Variants in DYRK1A observed in about 807,000 individuals in gnomAD.
DYRK1A encodes the protein dual specificity tyrosine phosphorylation regulated kinase 1A.
A neutral mutation model predicts 79.7 loss-of-function variants in DYRK1A; 9 were observed. The ratio of observed to expected loss-of-function variants is 0.11; its 90% CI spans 0.07 to 0.20. The LOEUF is 0.20. DYRK1A is among the 10% of genes least tolerant of loss of function. The pLI is 1.00. For synonymous variants in DYRK1A, 349 were observed against 329.7 expected, an observed-to-expected ratio of 1.06 and a Z score of -0.63; for missense variants, 622 against 956.0, an observed-to-expected ratio of 0.65 and a Z score of 4.61.
intron 2 of DYRK1A, among the ~76,000 whole-genome samples, chr21:37,462,722 C>T (rs2051883870): frequency 6.6e-6 from 1 of 152,162 alleles, no homozygotes. Context: ...CTCTGCAGCA[C>T]AGTGAGATTG....
At chr21:37,380,346 A>T (rs2049631586) in intron 1 of DYRK1A, among the ~76,000 whole-genome samples, 2 of 152,172 alleles carry the variant, frequency 1.3e-5, no homozygotes, top group South Asian at 4.1e-4. Context: ...AAGTTTGTTG[A>T]AACAACAATG....
intron 1 of DYRK1A, among the ~76,000 whole-genome samples, chr21:37,405,652 G>GA (rs2148406925): frequency 6.6e-6 from 1 of 152,292 alleles, no homozygotes; most frequent in East Asian, 1.9e-4. Context: ...TCAAATATCA[G>GA]AAAGGTTATT....
intron 6 of DYRK1A, among the ~76,000 whole-genome samples, chr21:37,489,309 A>G (rs2052991531): frequency 6.6e-6 from 1 of 152,172 alleles, no homozygotes; most frequent in Admixed American, 6.6e-5. Context: ...ATAAGACTTA[A>G]CAGGGAGGGA....
chr21:37,407,641 C>A (rs902151262), intron 1 of DYRK1A, among the ~76,000 whole-genome samples: 1 of 152,144 alleles, frequency 6.6e-6, no homozygotes, highest in African/African-American at 2.4e-5. Context: ...TTGAAAATCT[C>A]TTAGCTCTAA....
Position 37,513,023 on chromosome 21 carries a change from T to A in DYRK1A, c.*492T>A, listed in dbSNP as rs2053804900. The A allele has an allele frequency of 6.2e-6, 1 of 160,796 alleles. No individual in the cohort carries two copies. The highest frequency in any genetic ancestry group is 1.4e-5 in the Non-Finnish European group (1 of 72,858). 10.0% of individuals were successfully genotyped at this position (160,796 alleles called of 1,614,324 possible). ...GTGGGAAATTTGGGTTTTTAAGTCCTCTAAACACACTTGGGCACGGAAATG... is the reference window on the plus strand; with the variant it reads ...GTGGGAAATTTGGGTTTTTAAGTCCACTAAACACACTTGGGCACGGAAATG... On this transcript the variant is annotated 3_prime_UTR_variant, in exon 12 of 12. Transcript: ENST00000647188.
intron 1 of DYRK1A, among the ~76,000 whole-genome samples, chr21:37,383,833 GTGTA>G (rs944026574): frequency 1.0e-3 from 110 of 110,220 alleles, no homozygotes; most frequent in African/African-American, 4.2e-3. Flanking sequence ...ATAGGTAATG[GTGTA>G]TGTGTGTGTG....
intron 1 of DYRK1A, among the ~76,000 whole-genome samples, chr21:37,401,957 A>C (rs949909795): frequency 2.6e-5 from 4 of 151,928 alleles, no homozygotes; most frequent in Admixed American, 6.6e-5. Flanking sequence ...TATTGTTGCA[A>C]CTCCTACTTC....
At chr21:37,489,205 A>G (rs2052986263) in intron 6 of DYRK1A, among the ~76,000 whole-genome samples, 1 of 152,168 alleles carries the variant, frequency 6.6e-6, no homozygotes. Context: ...GAAACCTCTC[A>G]TTTTGTAATA....
In DYRK1A at chr21:37,477,459, GGT is replaced by G. The variant is rs1375328749; in HGVS notation, c.208-742_208-741del. Among the ~76,000 whole-genome samples the G allele has an allele frequency of 2.6e-5, 4 of 152,240 alleles. No homozygotes were observed. In the East Asian group the frequency reaches 7.7e-4, roughly 29 times the overall value. ...TTGATGCTAGCCACAGCACTCCTGG[GGT>G]GTGTGTATAGAGGGGGTGCATGCCC... On this transcript the variant is annotated intron_variant, in intron 3 of 11. Transcript: ENST00000647188.
intron 2 of DYRK1A, among the ~76,000 whole-genome samples, chr21:37,436,781 A>G (rs1406813083): frequency 1.3e-5 from 2 of 152,216 alleles, no homozygotes; most frequent in East Asian, 3.8e-4. Flanking sequence ...TATACTGAAC[A>G]TGTATTCTAA....
At chr21:37,386,576 T>C (rs1033867948) in intron 1 of DYRK1A, among the ~76,000 whole-genome samples, 8 of 152,220 alleles carry the variant, frequency 5.3e-5, no homozygotes, top group African/African-American at 1.7e-4. Flanking sequence ...TTTAGCTGCT[T>C]CTTCAATTTA....
intron 1 of DYRK1A, among the ~76,000 whole-genome samples, chr21:37,372,487 G>C (rs566464003): frequency 1.3e-4 from 20 of 151,436 alleles, no homozygotes; most frequent in African/African-American, 3.4e-4. Flanking sequence ...ACATCTGTCT[G>C]TCTGCTTGCT....
intron 11 of DYRK1A, among the ~76,000 whole-genome samples, chr21:37,508,417 A>T (rs1900215884): frequency 6.6e-6 from 1 of 152,160 alleles, no homozygotes; most frequent in Non-Finnish European, 1.5e-5. Flanking sequence ...CCTCCTGAGT[A>T]GCTGGGATTA....
At chr21:37,429,640 C>T (rs1196878460) in intron 2 of DYRK1A, among the ~76,000 whole-genome samples, 1 of 152,198 alleles carries the variant, frequency 6.6e-6, no homozygotes, top group Non-Finnish European at 1.5e-5. Context: ...CAAGAGGCCT[C>T]TCCTCCAACA....
chr21:37,428,231 C>CT (rs1217554632), intron 2 of DYRK1A, among the ~76,000 whole-genome samples: 1 of 152,124 alleles, frequency 6.6e-6, no homozygotes, highest in Non-Finnish European at 1.5e-5. Context: ...TTGCATTTGC[C>CT]TTTTGTTCAT....
rs1333123306 is a variant in DYRK1A, at chr21:37,517,214, G to A, written c.*4683G>A. 1 of 152,294 alleles carries A rather than the reference G, an allele frequency of 6.6e-6. No homozygotes were observed. Among genetic ancestry groups the A allele is most frequent in the Non-Finnish European group, 1.5e-5 (1 of 68,118 alleles). The allele number at this position is 152,294 out of a possible 1,614,324, so 9.4% of individuals were successfully genotyped here. A position where few individuals can be genotyped will look rare whatever the true frequency, so the allele number is the denominator to read the frequency against. On this transcript the variant is annotated 3_prime_UTR_variant, in exon 12 of 12. Transcript: ENST00000647188. ...GTTGACTATTAATAAAGTGCATTAAGTTTGGGTCAGGCAAAGTGGTGGCAA... is the reference window on the plus strand; with the variant it reads ...GTTGACTATTAATAAAGTGCATTAAATTTGGGTCAGGCAAAGTGGTGGCAA...
chr21:37,417,024 T>C (rs2050355168), intron 1 of DYRK1A, among the ~76,000 whole-genome samples: 1 of 152,136 alleles, frequency 6.6e-6, no homozygotes, highest in Non-Finnish European at 1.5e-5. Context: ...ATTTTGAAAT[T>C]AGATATAATT....
chr21:37,456,423 C>T (rs1180805666), intron 2 of DYRK1A: 1 of 152,164 alleles, frequency 6.6e-6, no homozygotes, highest in Non-Finnish European at 1.5e-5. Flanking sequence ...TTCATTTTTC[C>T]TGGACTTCTT....
At chr21:37,472,402 T>G (rs758805165) in intron 2 of DYRK1A, among the ~76,000 whole-genome samples, 3 of 152,216 alleles carry the variant, frequency 2.0e-5, no homozygotes, top group Non-Finnish European at 4.4e-5. Flanking sequence ...TATGAAAATC[T>G]CGTAGGTGAA....
Sources: gnomAD v4.1 joint callset for allele counts (sites outside exome capture counted in the v4.1 genomes callset) on GRCh38, gnomAD v4.1.1 for gene constraint, MANE v1.5 for transcripts, NCBI Gene and HGNC (gene_info 2026-07-23, HGNC 2026-07-21) for gene names.